The following AKAP10 variants were observed in gnomAD, a reference collection of about 807,000 sequenced individuals.
AKAP10 encodes A-kinase anchoring protein 10, also known as A-kinase anchor protein 10, mitochondrial.
AKAP10 carries 24 observed loss-of-function variants against 80.8 expected under a neutral mutation model. The observed-to-expected ratio is 0.30, with a 90% CI of 0.22 to 0.42. AKAP10 has a LOEUF of 0.42. Among genes scored for constraint, AKAP10 ranks in the 10% least tolerant of loss-of-function variants. The pLI is 1.00. For missense variants in AKAP10, 661 were observed against 794.9 expected, an observed-to-expected ratio of 0.83 and a Z score of 2.03; for synonymous variants, 291 against 277.7, an observed-to-expected ratio of 1.05 and a Z score of -0.48.
At chr17:19,911,611 G>C (rs868809282) in intron 12 of AKAP10, among the ~76,000 whole-genome samples, 26 of 152,008 alleles carry the variant, frequency 1.7e-4, no homozygotes, top group African/African-American at 4.6e-4. Flanking sequence ...GGCTGAGGCG[G>C]GAGGATCACC....
intron 1 of AKAP10, 59 bp downstream of exon 1, chr17:19,977,533 C>T (rs1372830281): frequency 3.3e-6 from 4 of 1,205,170 alleles, no homozygotes; most frequent in Non-Finnish European, 4.2e-6. Flanking sequence ...GCAGGCCCAC[C>T]TGCCCCACCG....
intron 8 of AKAP10, among the ~76,000 whole-genome samples, chr17:19,938,271 C>CTTT (rs1445331102): frequency 2.8e-5 from 4 of 143,868 alleles, no homozygotes; most frequent in Non-Finnish European, 6.0e-5. Flanking sequence ...GAGTCTCCCT[C>CTTT]TGTCAGCCAG....
chr17:19,904,949 T>C lies in AKAP10; in HGVS notation c.*1278A>G, dbSNP rs930328439. The C allele has an allele frequency of 6.6e-6, 1 of 151,526 alleles. No individual in the cohort carries two copies. Among genetic ancestry groups the C allele is most frequent in the African/African-American group, 2.4e-5 (1 of 41,332 alleles). 9.4% of individuals were successfully genotyped at this position (151,526 alleles called of 1,614,324 possible). ...GCCTCTATACAATCAAATATTGCAA[T>C]GGAATAAATTCTCTGTTCATTCAAG... On this transcript the variant is annotated 3_prime_UTR_variant, in exon 15 of 15. Transcript: ENST00000225737.
chr17:19,928,618 TG>T (rs1459418611), intron 10 of AKAP10, among the ~76,000 whole-genome samples: 10 of 152,296 alleles, frequency 6.6e-5, no homozygotes, highest in Non-Finnish European at 1.2e-4. Context: ...GGCTCACCCC[TG>T]TAATCCCAGC....
chr17:19,907,884 C>G (rs975272338), intron 14 of AKAP10, among the ~76,000 whole-genome samples: 6 of 149,616 alleles, frequency 4.0e-5, no homozygotes, highest in Non-Finnish European at 7.4e-5. Context: ...TTTTTTTGAG[C>G]CTGAGTTTTG....
intron 7 of AKAP10, among the ~76,000 whole-genome samples, chr17:19,940,269 GAAAAC>G (rs1418992888): frequency 6.6e-6 from 1 of 152,182 alleles, no homozygotes; most frequent in Non-Finnish European, 1.5e-5. Context: ...AAGGGAGTGA[GAAAAC>G]AAATCAACTG....
At chr17:19,941,968 C>G in intron 5 of AKAP10, 58 bp from the exon 6 acceptor site, 1 of 1,494,664 alleles carries the variant, frequency 6.7e-7, no homozygotes, top group Non-Finnish European at 9.1e-7. Flanking sequence ...TGTATACACA[C>G]TTGTGAATCA....
Position 19,958,053 on chromosome 17 carries a change from C to T in AKAP10, c.838G>A (p.Ala280Thr), listed in dbSNP as rs147191247. ...CCTGACAATTCTTTTAGTGGAGAAG[C>T]GGGACTATTTCTACTGGCTACTGTA... is the stretch of plus-strand genomic sequence containing the variant. ...TLTVASRNSP[A>T]SPLKELSGKL... The change falls in exon 4 of 15, where the codon GCT becomes ACT. Residue 280 changes from alanine (A) to threonine (T), a missense_variant. Transcript: ENST00000225737. 6.4e-5 allele frequency: 104 copies of T among 1,613,192 alleles called. No individual in the cohort carries two copies. The highest frequency in any genetic ancestry group is 3.5e-4 in the South Asian group (32 of 90,852).
At chr17:19,949,780 A>AG (rs1428748498) in intron 4 of AKAP10, among the ~76,000 whole-genome samples, 6 of 105,566 alleles carry the variant, frequency 5.7e-5, no homozygotes, top group South Asian at 5.4e-4. Context: ...AAAAAAAAAG[A>AG]GAAAAAAAAA....
intron 12 of AKAP10, among the ~76,000 whole-genome samples, chr17:19,917,450 T>A (rs150168021): frequency 6.6e-6 from 1 of 152,282 alleles, no homozygotes; most frequent in Non-Finnish European, 1.5e-5. Context: ...ACTGACCTCT[T>A]CCCAGTATTC....
At chr17:19,969,669 C>T (rs1373975478) in intron 1 of AKAP10, among the ~76,000 whole-genome samples, 1 of 152,004 alleles carries the variant, frequency 6.6e-6, no homozygotes, top group African/African-American at 2.4e-5. Context: ...GGAAATAACT[C>T]GCCCTCAGAG....
intron 2 of AKAP10, among the ~76,000 whole-genome samples, chr17:19,968,201 C>CAAAAA (rs34802640): frequency 5.8e-5 from 4 of 68,908 alleles, no homozygotes; most frequent in African/African-American, 1.6e-4. Context: ...ACTCCGTCTC[C>CAAAAA]AAAAAAAAAA....
In AKAP10 at chr17:19,924,416, T is replaced by C. The variant is rs1277551572; in HGVS notation, c.1743A>G (p.Thr581=). 6 of 1,589,552 alleles carry C rather than the reference T, an allele frequency of 3.8e-6. No individual in the cohort carries two copies. The highest frequency in any genetic ancestry group is 1.3e-5 in the African/African-American group (1 of 74,322). The change falls in exon 11 of 15, where the codon ACA becomes ACG. Residue 581 remains threonine, a synonymous_variant. Coordinates refer to ENST00000225737, the MANE Select transcript of AKAP10 (RefSeq NM_007202.4). ...SLDPESLYQR[T]YAGKMTFGRV... ...GCATGAGCTAAGCTTACCCGGCATA[T>C]GTCCGTTGATATAAAGATTCTGGAT...
intron 12 of AKAP10, among the ~76,000 whole-genome samples, chr17:19,914,501 G>T (rs1183228037): frequency 1.3e-5 from 2 of 151,796 alleles, no homozygotes; most frequent in Non-Finnish European, 2.9e-5. Flanking sequence ...AATAAGCCAA[G>T]TATGGTGGTG....
intron 12 of AKAP10, among the ~76,000 whole-genome samples, chr17:19,913,385 CT>C (rs2042712175): frequency 1.3e-5 from 2 of 152,046 alleles, no homozygotes; most frequent in Non-Finnish European, 2.9e-5. Context: ...AACTCCTGAC[CT>C]CGTGATCTGC....
At chr17:19,932,390 T>A (rs939070018) in intron 9 of AKAP10, among the ~76,000 whole-genome samples, 1 of 149,292 alleles carries the variant, frequency 6.7e-6, no homozygotes, top group Non-Finnish European at 1.5e-5. Context: ...GAGATGGAGG[T>A]TGCAGTGAGC....
intron 5 of AKAP10, among the ~76,000 whole-genome samples, chr17:19,946,668 T>C (rs2043136167): frequency 6.6e-6 from 1 of 151,082 alleles, no homozygotes. Flanking sequence ...TTTTTTTTTT[T>C]TTTTTTTTTT....
chr17:19,923,612 C>T (rs979331876), intron 11 of AKAP10, among the ~76,000 whole-genome samples: 1 of 152,022 alleles, frequency 6.6e-6, no homozygotes, highest in Non-Finnish European at 1.5e-5. Context: ...CTGCAAGCTC[C>T]GCCTCCCGGG....
At chr17:19,957,514 G>A (rs1044082991) in intron 4 of AKAP10, among the ~76,000 whole-genome samples, 10 of 146,224 alleles carry the variant, frequency 6.8e-5, no homozygotes, top group Non-Finnish European at 7.5e-5. Flanking sequence ...CAGCCTGGGC[G>A]ACAGAGCAAG....
Sources: allele counts gnomAD v4.1 joint callset (sites outside exome capture counted in the v4.1 genomes callset), GRCh38; gene constraint gnomAD v4.1.1; transcripts MANE v1.5; gene names NCBI Gene and HGNC (gene_info 2026-07-23, HGNC 2026-07-21).